Variants in SH3RF3 observed in about 807,000 individuals in gnomAD.
SH3RF3 encodes the protein E3 ubiquitin-protein ligase SH3RF3.
SH3RF3 carries 29 observed loss-of-function variants against 66.3 expected under a neutral mutation model. The observed-to-expected ratio is 0.44, with a 90% CI of 0.33 to 0.60. The LOEUF (loss-of-function observed/expected upper bound fraction) is 0.60. Ranked by LOEUF, SH3RF3 falls within the 20% of genes least tolerant of loss-of-function variation. The pLI is 0.04. For missense variants in SH3RF3, 1,194 were observed against 1,190.9 expected (o/e 1.00, Z -0.04); for synonymous variants, 583 against 532.0 (o/e 1.10, Z -1.32).
chr2:109,493,329 A>G (rs1302333679), intron 9 of SH3RF3, among the ~76,000 whole-genome samples: 1 of 142,508 alleles, frequency 7.0e-6, no homozygotes, highest in African/African-American at 2.6e-5. Context: ...ACACCATACA[A>G]ACACACCCCA....
intron 2 of SH3RF3, among the ~76,000 whole-genome samples, chr2:109,366,598 C>T (rs1342380916): frequency 6.6e-6 from 1 of 152,188 alleles, no homozygotes; most frequent in Non-Finnish European, 1.5e-5. Context: ...CCTGTAATCC[C>T]AGCACTTTAG....
In SH3RF3 at chr2:109,474,401, C is replaced by G. The variant is rs545704770; in HGVS notation, c.2149-16204C>G. ...AGCTGCGTCTAACAAAGCTCTCCCC[C>G]TAACAGAGAAGGAGGGGCTGTTTCC... On this transcript the variant is annotated intron_variant, in intron 8 of 9. Transcript: ENST00000309415. Among the ~76,000 whole-genome samples the G allele has an allele frequency of 1.6e-4, 24 of 152,276 alleles. 1 individual carries two copies. In the South Asian group the frequency reaches 4.1e-3, roughly 26 times the overall value.
At position 109,504,328 on chromosome 2, in the gene SH3RF3, G is replaced by C. The variant is rs1393917221; in HGVS notation, c.*2657G>C. ...TCCACAGCCATGGCTGAAGTCAGTG[G>C]ACACCGAGGGGACAGGACTGCAGGC... is the stretch of plus-strand genomic sequence containing the variant. On this transcript the variant is annotated 3_prime_UTR_variant, in exon 10 of 10. Coordinates refer to ENST00000309415, the MANE Select transcript of SH3RF3 (RefSeq NM_001099289.3). 1 of 152,202 alleles carries C rather than the reference G, an allele frequency of 6.6e-6. No individual in the cohort carries two copies. Among genetic ancestry groups the C allele is most frequent in the Non-Finnish European group, 1.5e-5 (1 of 68,060 alleles). 9.4% of individuals were successfully genotyped at this position (152,202 alleles called of 1,614,324 possible). A position where few individuals can be genotyped will look rare whatever the true frequency, so the allele number is the denominator to read the frequency against.
intron 1 of SH3RF3, among the ~76,000 whole-genome samples, chr2:109,152,578 A>T (rs1017432193): frequency 4.6e-5 from 7 of 152,184 alleles, no homozygotes; most frequent in African/African-American, 1.2e-4. Flanking sequence ...CCTTTTTATT[A>T]TTTACATTGT....
intron 2 of SH3RF3, among the ~76,000 whole-genome samples, chr2:109,369,766 T>G (rs1217557103): frequency 2.6e-5 from 4 of 152,100 alleles, no homozygotes; most frequent in Non-Finnish European, 5.9e-5. Flanking sequence ...CTGCCTCAAC[T>G]CGGATGGACA....
intron 1 of SH3RF3, among the ~76,000 whole-genome samples, chr2:109,149,943 A>G (rs1473137276): frequency 6.6e-6 from 1 of 152,140 alleles, no homozygotes; most frequent in East Asian, 1.9e-4. Context: ...TTATTAAACT[A>G]GTGGTTCTTG....
chr2:109,421,232 G>A (rs1190702045), intron 5 of SH3RF3, among the ~76,000 whole-genome samples: 1 of 152,236 alleles, frequency 6.6e-6, no homozygotes, highest in Non-Finnish European at 1.5e-5. Context: ...ATGAGAGGCA[G>A]GATGCAGGTC....
intron 1 of SH3RF3, among the ~76,000 whole-genome samples, chr2:109,187,400 T>C (rs1678220692): frequency 6.6e-6 from 1 of 151,968 alleles, no homozygotes; most frequent in African/African-American, 2.4e-5. Context: ...AAAGCTAAGA[T>C]GGTGCTTAAG....
intron 2 of SH3RF3, among the ~76,000 whole-genome samples, chr2:109,370,611 G>A (rs1683252054): frequency 1.3e-5 from 2 of 152,144 alleles, no homozygotes; most frequent in South Asian, 4.2e-4. Flanking sequence ...ACGTCCCACT[G>A]TGAGTCCCCA....
At chr2:109,490,524 A>T in intron 8 of SH3RF3, 81 bp from the exon 9 acceptor site, 1 of 1,137,882 alleles carries the variant, frequency 8.8e-7, no homozygotes, top group Non-Finnish European at 1.2e-6. Context: ...TCCACATAGG[A>T]AGATGCATTC....
rs1162814407 is a variant in SH3RF3 at position 109,463,102 on chromosome 2, A to G, written c.2148+13613A>G. Reference sequence around the variant, plus strand: ...TCAAGGGATTCTGAGTCTGTAAAGTAGCTCAAGCCTGGGAATTGATTGAAG... The same window carrying G: ...TCAAGGGATTCTGAGTCTGTAAAGTGGCTCAAGCCTGGGAATTGATTGAAG... On this transcript the variant is annotated intron_variant, in intron 8 of 9. Transcript: ENST00000309415. 2.0e-5 allele frequency among the ~76,000 whole-genome samples: 3 copies of G among 152,194 alleles called. No homozygotes were observed. In the East Asian group the frequency reaches 5.8e-4, roughly 29 times the overall value.
chr2:109,472,318 G>A (rs1028643620), intron 8 of SH3RF3, among the ~76,000 whole-genome samples: 1 of 151,988 alleles, frequency 6.6e-6, no homozygotes, highest in Non-Finnish European at 1.5e-5. Flanking sequence ...GGCCTCCCGG[G>A]CCCTCCTCAC....
chr2:109,328,321 C>CT (rs1312158053), intron 1 of SH3RF3, among the ~76,000 whole-genome samples: 2 of 152,192 alleles, frequency 1.3e-5, no homozygotes, highest in Non-Finnish European at 2.9e-5. Context: ...GAAGTTCCTA[C>CT]TCTTTTCCAC....
intron 1 of SH3RF3, among the ~76,000 whole-genome samples, chr2:109,318,400 C>T (rs532470497): frequency 3.9e-5 from 6 of 152,198 alleles, no homozygotes; most frequent in African/African-American, 1.2e-4. Flanking sequence ...GAAATGCCGC[C>T]GAGCGCCAGA....
chr2:109,196,275 CT>C (rs1678497525), intron 1 of SH3RF3, among the ~76,000 whole-genome samples: 1 of 152,222 alleles, frequency 6.6e-6, no homozygotes, highest in African/African-American at 2.4e-5. Flanking sequence ...TCCTGGGCCC[CT>C]GGGCTGCTCC....
At chr2:109,405,625 C>T (rs1646413888) in intron 4 of SH3RF3, among the ~76,000 whole-genome samples, 2 of 152,248 alleles carry the variant, frequency 1.3e-5, no homozygotes, top group South Asian at 4.1e-4. Flanking sequence ...CACACAGACA[C>T]ATACCTGTGC....
intron 2 of SH3RF3, among the ~76,000 whole-genome samples, chr2:109,350,118 A>G (rs920316432): frequency 1.3e-5 from 2 of 152,238 alleles, no homozygotes; most frequent in South Asian, 4.1e-4. Flanking sequence ...TCCATGTTCC[A>G]TATTTCACAA....
At chr2:109,393,420 A>G (rs1676055390) in intron 3 of SH3RF3, among the ~76,000 whole-genome samples, 1 of 152,150 alleles carries the variant, frequency 6.6e-6, no homozygotes, top group Non-Finnish European at 1.5e-5. Context: ...AACAGCCCAC[A>G]CCTATTGAGC....
At chr2:109,138,457 C>A (rs1396813007) in intron 1 of SH3RF3, among the ~76,000 whole-genome samples, 1 of 152,218 alleles carries the variant, frequency 6.6e-6, no homozygotes, top group East Asian at 1.9e-4. Context: ...GCTGGGACTT[C>A]AAGGCTGTTG....
Sources: allele counts gnomAD v4.1 joint callset (sites outside exome capture counted in the v4.1 genomes callset), GRCh38; gene constraint gnomAD v4.1.1; transcripts MANE v1.5; gene names NCBI Gene and HGNC (gene_info 2026-07-23, HGNC 2026-07-21).